FYB1: variants seen among roughly 807,000 people sequenced by gnomAD.
FYB1 encodes the protein FYN-binding protein 1.
In FYB1, 41 loss-of-function variants were observed where a neutral mutation model predicts 94.1. The observed-to-expected ratio is 0.44, with a 90% CI of 0.34 to 0.57. FYB1 has a LOEUF of 0.57. FYB1 is among the 20% of genes least tolerant of loss of function. The pLI, the probability that FYB1 is intolerant of heterozygous loss-of-function variation, is 0.02. For missense variants in FYB1, 1,050 were observed against 976.8 expected (o/e 1.07, Z -1.00); for synonymous variants, 367 against 353.2 (o/e 1.04, Z -0.44).
intron 12 of FYB1, 36 bp downstream of exon 12, chr5:39,125,961 AG>A: frequency 6.3e-7 from 1 of 1,595,678 alleles, no homozygotes; most frequent in Non-Finnish European, 8.6e-7. Context: ...ATATTAGTGT[AG>A]TTATTGTACA....
intron 2 of FYB1, among the ~76,000 whole-genome samples, chr5:39,180,460 C>T (rs1387451692): frequency 2.0e-5 from 3 of 152,164 alleles, no homozygotes; most frequent in African/African-American, 7.2e-5. Flanking sequence ...ATGTGATGAG[C>T]ATATGCTTTT....
At chr5:39,153,345 G>T in intron 3 of FYB1, 103 bp downstream of exon 3, 1 of 1,426,284 alleles carries the variant, frequency 7.0e-7, no homozygotes. Context: ...CACTTTTGTA[G>T]ACCCAGAAGT....
chr5:39,205,742 G>A (rs1404904685), intron 1 of FYB1, among the ~76,000 whole-genome samples: 2 of 152,116 alleles, frequency 1.3e-5, no homozygotes, highest in Admixed American at 1.3e-4. Flanking sequence ...AATAGCACAG[G>A]CTCTGGGGTT....
chr5:39,249,342 C>A (rs1324993382), intron 1 of FYB1, among the ~76,000 whole-genome samples: 2 of 152,150 alleles, frequency 1.3e-5, no homozygotes, highest in Non-Finnish European at 2.9e-5. Context: ...ATGGTCTTTG[C>A]TGAAATGACG....
intron 1 of FYB1, among the ~76,000 whole-genome samples, chr5:39,234,126 G>A (rs1017854750): frequency 1.3e-5 from 2 of 152,014 alleles, no homozygotes; most frequent in Non-Finnish European, 1.5e-5. Flanking sequence ...CTTCCACTTA[G>A]TTCCATATTC....
chr5:39,205,101 A>G (rs576775844), intron 1 of FYB1, among the ~76,000 whole-genome samples: 51 of 152,282 alleles, frequency 3.3e-4, no homozygotes, highest in South Asian at 3.3e-3. Flanking sequence ...TACAAGGGGC[A>G]TAATTATGGC....
At chr5:39,148,153 T>TTTTATATATATATATA in intron 3 of FYB1, among the ~76,000 whole-genome samples, 1 of 79,464 alleles carries the variant, frequency 1.3e-5, no homozygotes, top group South Asian at 4.9e-4. Flanking sequence ...TATATGTATT[T>TTTTATATATATATATA]TTTATATATA....
intron 1 of FYB1, among the ~76,000 whole-genome samples, chr5:39,228,889 A>G (rs1642522): frequency 0.83 from 125,795 of 152,136 alleles, 52,057 homozygotes; most frequent in East Asian, 0.85. Context: ...ACAGTTGATG[A>G]CCCCTTTGGG....
chr5:39,150,192 G>GGCCTT (rs1482190501), intron 3 of FYB1, among the ~76,000 whole-genome samples: 1 of 152,062 alleles, frequency 6.6e-6, no homozygotes, highest in African/African-American at 2.4e-5. Context: ...GTTGTTATCT[G>GGCCTT]GCCTTTTGGG....
intron 3 of FYB1, among the ~76,000 whole-genome samples, chr5:39,151,625 C>G (rs1232680510): frequency 6.6e-6 from 1 of 152,174 alleles, no homozygotes; most frequent in Non-Finnish European, 1.5e-5. Context: ...TTTCTTGGTC[C>G]CTGCTTTGCA....
intron 1 of FYB1, among the ~76,000 whole-genome samples, chr5:39,205,869 C>A (rs1367052407): frequency 6.6e-6 from 1 of 152,114 alleles, no homozygotes; most frequent in Non-Finnish European, 1.5e-5. Flanking sequence ...ATAACAGTAC[C>A]TATAGCTCAC....
At chr5:39,187,102 A>G (rs185962039) in intron 2 of FYB1, among the ~76,000 whole-genome samples, 1 of 152,348 alleles carries the variant, frequency 6.6e-6, no homozygotes, top group Admixed American at 6.5e-5. Flanking sequence ...CACTTCTCAC[A>G]GATCGTTAAG....
intron 2 of FYB1, chr5:39,169,496 G>A (rs1041357830): frequency 2.9e-5 from 18 of 628,088 alleles, no homozygotes; most frequent in South Asian, 4.3e-5. Context: ...TCGAAGACCC[G>A]TTACTACTAC....
chr5:39,247,071 C>CATATATATGTATATATATAT (rs1491316200), intron 1 of FYB1, among the ~76,000 whole-genome samples: 1 of 65,604 alleles, frequency 1.5e-5, no homozygotes, highest in Non-Finnish European at 3.0e-5. Context: ...AATGCGTGTT[C>CATATATATGTATATATATAT]ATATATATAT....
chr5:39,147,482 G>GTGTGTGTGTT, intron 3 of FYB1, among the ~76,000 whole-genome samples: 1 of 151,064 alleles, frequency 6.6e-6, no homozygotes, highest in Non-Finnish European at 1.5e-5. Flanking sequence ...GTGTGTGTGT[G>GTGTGTGTGTT]TGTGTCTGTG....
At chr5:39,188,631 G>A (rs1231365473) in intron 2 of FYB1, among the ~76,000 whole-genome samples, 2 of 142,452 alleles carry the variant, frequency 1.4e-5, no homozygotes, top group East Asian at 2.1e-4. Flanking sequence ...TGCAACCTCC[G>A]CCTCCGGGGT....
chr5:39,170,599 G>T (rs2150397581), intron 2 of FYB1, among the ~76,000 whole-genome samples: 1 of 152,078 alleles, frequency 6.6e-6, no homozygotes, highest in East Asian at 1.9e-4. Context: ...CTCTTATCTG[G>T]ACTCTTAACA....
intron 11 of FYB1, 26 bp downstream of exon 11, chr5:39,127,715 A>T: frequency 6.4e-7 from 1 of 1,573,132 alleles, no homozygotes; most frequent in East Asian, 2.3e-5. Flanking sequence ...ATAATTTGCA[A>T]AAAGCAGTTC....
At chr5:39,170,954 T>C (rs1393829600) in intron 2 of FYB1, among the ~76,000 whole-genome samples, 2 of 152,142 alleles carry the variant, frequency 1.3e-5, no homozygotes, top group African/African-American at 4.8e-5. Context: ...TCCCCTATTA[T>C]TGTATTACCA....
Sources: allele counts gnomAD v4.1 joint callset (sites outside exome capture counted in the v4.1 genomes callset), GRCh38; gene constraint gnomAD v4.1.1; transcripts MANE v1.5; gene names NCBI Gene and HGNC (gene_info 2026-07-23, HGNC 2026-07-21).